The following SEMA6A variants were observed in gnomAD, a reference collection of about 807,000 sequenced individuals.
SEMA6A encodes semaphorin-6A.
A neutral mutation model predicts 96.8 loss-of-function variants in SEMA6A; 25 were observed. That is an observed-to-expected ratio of 0.26 (90% confidence interval 0.19 to 0.36). The LOEUF (loss-of-function observed/expected upper bound fraction) is 0.36, where lower values mean the gene tolerates loss of function less well. Among genes scored for constraint, SEMA6A ranks in the 10% least tolerant of loss-of-function variants. SEMA6A has a pLI of 1.00. For synonymous variants in SEMA6A, 612 were observed against 518.0 expected (o/e 1.18, Z -2.46); for missense variants, 1,363 against 1,323.1 (o/e 1.03, Z -0.47).
At chr5:116,516,128 A>G (rs1199669594) in intron 1 of SEMA6A, among the ~76,000 whole-genome samples, 1 of 152,188 alleles carries the variant, frequency 6.6e-6, no homozygotes, top group Admixed American at 6.5e-5. Context: ...GCTTTCCCAG[A>G]ACCCTGAAAG....
At chr5:116,483,977 T>C (rs77369192) in intron 10 of SEMA6A, among the ~76,000 whole-genome samples, 2 of 150,430 alleles carry the variant, frequency 1.3e-5, no homozygotes, top group Non-Finnish European at 2.9e-5. Flanking sequence ...AGCAGGAGAA[T>C]TGCTTGAACC....
Position 116,446,280 on chromosome 5 carries a change from GT to G in SEMA6A, c.*332del, listed in dbSNP as rs1561456542. 73 of 223,112 alleles carry G rather than the reference GT, an allele frequency of 3.3e-4. 1 individual carries two copies. Among genetic ancestry groups the G allele is most frequent in the African/African-American group, 1.2e-3 (49 of 41,258 alleles). The allele number at this position is 223,112 out of a possible 1,614,324, so 13.8% of individuals were successfully genotyped here. On this transcript the variant is annotated 3_prime_UTR_variant, in exon 19 of 19. Coordinates refer to ENST00000343348, the MANE Select transcript of SEMA6A (RefSeq NM_020796.5). ...GTTGTGTGCATGTGTGTGTGTGTGT[GT>G]GTGTGGGGGTGGGGGATGGGGTAGG...
chr5:116,448,104 C>T (rs1754370343), intron 18 of SEMA6A, among the ~76,000 whole-genome samples: 2 of 143,398 alleles, frequency 1.4e-5, no homozygotes, highest in East Asian at 4.2e-4. Flanking sequence ...GAGGCCGAGG[C>T]GGGTGGATCA....
At chr5:116,515,768 T>C (rs1480938135) in intron 1 of SEMA6A, among the ~76,000 whole-genome samples, 5 of 152,214 alleles carry the variant, frequency 3.3e-5, no homozygotes, top group African/African-American at 1.2e-4. Context: ...CTGGGATTGC[T>C]CAGGCCTAAA....
intron 18 of SEMA6A, among the ~76,000 whole-genome samples, chr5:116,452,957 C>T (rs17139825): frequency 0.091 from 13,932 of 152,274 alleles, 720 homozygotes; most frequent in East Asian, 0.2. Context: ...TTGCATACAA[C>T]TCTGTCCAAA....
intron 18 of SEMA6A, among the ~76,000 whole-genome samples, chr5:116,465,187 G>A (rs980313975): frequency 8.5e-5 from 13 of 152,124 alleles, no homozygotes; most frequent in African/African-American, 3.1e-4. Flanking sequence ...ATGAAAAGAA[G>A]CGAGGGCATC....
intron 1 of SEMA6A, among the ~76,000 whole-genome samples, chr5:116,546,614 G>T (rs891364970): frequency 3.3e-5 from 5 of 152,188 alleles, no homozygotes; most frequent in African/African-American, 1.2e-4. Flanking sequence ...GCTGGTTCAG[G>T]AGCAAGGCTT....
intron 18 of SEMA6A, among the ~76,000 whole-genome samples, chr5:116,459,432 C>T (rs934484822): frequency 1.3e-5 from 2 of 152,172 alleles, no homozygotes; most frequent in African/African-American, 4.8e-5. Context: ...ACCTTCCCAT[C>T]CTCCACTTCC....
At chr5:116,561,869 A>G (rs1175767981) in intron 1 of SEMA6A, among the ~76,000 whole-genome samples, 1 of 152,208 alleles carries the variant, frequency 6.6e-6, no homozygotes, top group African/African-American at 2.4e-5. Context: ...CAACATGTTG[A>G]ACTTCCCCTC....
chr5:116,444,788 A>G lies in SEMA6A; in HGVS notation c.*1825T>C, dbSNP rs1754084802. The G allele has an allele frequency of 6.6e-6, 1 of 152,268 alleles. No homozygotes were observed. The highest frequency in any genetic ancestry group is 1.5e-5 in the Non-Finnish European group (1 of 68,050). 9.4% of individuals were successfully genotyped at this position (152,268 alleles called of 1,614,324 possible). A position where few individuals can be genotyped will look rare whatever the true frequency, so the allele number is the denominator to read the frequency against. ...GACCAGCCTGCCTGCATCTATTTCC[A>G]TGTCATTTCTTTGTGTGCACTGCAC... On this transcript the variant is annotated 3_prime_UTR_variant, in exon 19 of 19. Coordinates refer to ENST00000343348, the MANE Select transcript of SEMA6A (RefSeq NM_020796.5).
chr5:116,478,350 A>G, intron 13 of SEMA6A, 192 bp downstream of exon 13: 1 of 762,770 alleles, frequency 1.3e-6, no homozygotes, highest in Admixed American at 2.9e-5. Context: ...ACATATATGT[A>G]TCTATATAAA....
Position 116,482,559 on chromosome 5 carries a change from C to G in SEMA6A, c.979G>C (p.Val327Leu), listed in dbSNP as rs1037110565. 2 of 1,613,544 alleles carry G rather than the reference C, an allele frequency of 1.2e-6. No individual in the cohort carries two copies. The highest frequency in any genetic ancestry group is 2.7e-5 in the African/African-American group (2 of 74,912). The stretch of plus-strand genomic sequence containing the variant: ...ATGTCAAGCATGTCATAGGCACAGA[C>G]TGCAGACCCAGGGATGCTACAACAT... ...TPYNSIPGSA[V>L]CAYDMLDIAS... The change falls in exon 11 of 19, where the codon GTC (valine) becomes CTC (leucine). Residue 327 changes from valine (V) to leucine (L), a missense_variant. Coordinates refer to ENST00000343348, the MANE Select transcript of SEMA6A (RefSeq NM_020796.5).
intron 1 of SEMA6A, among the ~76,000 whole-genome samples, chr5:116,519,797 A>G (rs73781646): frequency 0.045 from 6,878 of 152,226 alleles, 538 homozygotes; most frequent in African/African-American, 0.16. Context: ...TCCAAAGTAC[A>G]TGCCAAATCT....
At chr5:116,497,187 A>AATT (rs1431027852) in intron 4 of SEMA6A, 140 bp downstream of exon 4, 1 of 577,136 alleles carries the variant, frequency 1.7e-6, no homozygotes, top group African/African-American at 1.9e-5. Flanking sequence ...CCTATTCCCT[A>AATT]ATTAGGATTT....
rs569568718 is a variant in SEMA6A at position 116,447,069 on chromosome 5, G to C, written c.2637C>G (p.Pro879=). 7 of 1,613,800 alleles carry C rather than the reference G, an allele frequency of 4.3e-6. No individual in the cohort carries two copies. In the Admixed American group the frequency reaches 1.0e-4, roughly 23 times the overall value. ...NLVENLDSLP[P]KVPQREASLG... ...GGGAGGCCTCCCGCTGTGGAACTTT[G>C]GGGGGCAGGCTGTCCAGGTTCTCCA... The change falls in exon 19 of 19, where the codon CCC becomes CCG. Residue 879 remains proline (P), a synonymous_variant. Transcript: ENST00000343348.
Position 116,444,211 on chromosome 5 carries a change from C to T in SEMA6A, c.*2402G>A, listed in dbSNP as rs962258190. On this transcript the variant is annotated 3_prime_UTR_variant, in exon 19 of 19. Transcript: ENST00000343348. The stretch of plus-strand genomic sequence containing the variant: ...GGAGACAGAGTTCACAGGATGTGAA[C>T]ATGGATTCCATTACAAAAGCCAAAA... 6 of 150,128 alleles carry T rather than the reference C, an allele frequency of 4.0e-5. No individual in the cohort carries two copies. Among genetic ancestry groups the T allele is most frequent in the African/African-American group, 1.5e-4 (6 of 40,648 alleles). The allele number at this position is 150,128 out of a possible 1,614,324, so 9.3% of individuals were successfully genotyped here. A position where few individuals can be genotyped will look rare whatever the true frequency, so the allele number is the denominator to read the frequency against.
At chr5:116,570,620 T>C (rs1207310761) in intron 1 of SEMA6A, among the ~76,000 whole-genome samples, 3 of 152,226 alleles carry the variant, frequency 2.0e-5, no homozygotes, top group Admixed American at 2.0e-4. Context: ...GATTCCTTCC[T>C]GCAAACAAAT....
intron 1 of SEMA6A, among the ~76,000 whole-genome samples, chr5:116,566,713 C>T (rs1426628791): frequency 1.3e-5 from 2 of 152,220 alleles, no homozygotes; most frequent in African/African-American, 4.8e-5. Context: ...GTATGACTAT[C>T]ATTTGAATCA....
chr5:116,449,097 CA>C (rs1201100869), intron 18 of SEMA6A, among the ~76,000 whole-genome samples: 1 of 152,186 alleles, frequency 6.6e-6, no homozygotes, highest in African/African-American at 2.4e-5. Context: ...TAATCAAATG[CA>C]AACACAGAAG....
Sources: gnomAD v4.1 joint callset for allele counts (sites outside exome capture counted in the v4.1 genomes callset) on GRCh38, gnomAD v4.1.1 for gene constraint, MANE v1.5 for transcripts, NCBI Gene and HGNC (gene_info 2026-07-23, HGNC 2026-07-21) for gene names.